ZNF236: variants seen among roughly 807,000 people sequenced by gnomAD.
ZNF236 encodes the protein zinc finger protein 236, also known as regulated by glucose.
In ZNF236, 50 loss-of-function variants were observed where a neutral mutation model predicts 191.2. The ratio of observed to expected loss-of-function variants is 0.26; its 90% CI spans 0.21 to 0.33. The LOEUF (loss-of-function observed/expected upper bound fraction) is 0.33. Ranked by LOEUF, ZNF236 falls within the 10% of genes least tolerant of loss-of-function variation. The pLI, the probability that ZNF236 is intolerant of heterozygous loss-of-function variation, is 1.00. For missense variants in ZNF236, 1,754 were observed against 2,374.5 expected, an observed-to-expected ratio of 0.74 and a Z score of 5.43; for synonymous variants, 907 against 928.8, an observed-to-expected ratio of 0.98 and a Z score of 0.43.
rs781513492 is a variant in ZNF236 at position 76,971,161 on chromosome 18, G to A, written c.*2822G>A. On this transcript the variant is annotated 3_prime_UTR_variant, in exon 31 of 31. Transcript: ENST00000320610. ...GGTGCAGGTACTGAGGAAGCAGGAG[G>A]CATGTAGCATGTGTGGAGTCCCACC... is the stretch of plus-strand genomic sequence containing the variant. 7.2e-5 allele frequency among the ~76,000 whole-genome samples: 11 copies of A among 152,260 alleles called. No homozygotes were observed. The highest frequency in any genetic ancestry group is 1.9e-4 in the African/African-American group (8 of 41,476).
In ZNF236 at chr18:76,923,173, A is replaced by G. The variant is rs1967584450; in HGVS notation, c.3660A>G (p.Thr1220=). 1 of 1,605,004 alleles carries G rather than the reference A, an allele frequency of 6.2e-7. No individual in the cohort carries two copies. Among genetic ancestry groups the G allele is most frequent in the Non-Finnish European group, 8.5e-7 (1 of 1,171,632 alleles). The part of the protein sequence containing the change: ...STLDCHVKTH[T]GQKLFSCHVC... ...TCGATTGTCATGTGAAGACTCACAC[A>G]GGTAAGGAAAACATGCCTGCGTCAT... is the stretch of plus-strand genomic sequence containing the variant. Residue 1220 remains threonine (T), a splice_region_variant and synonymous_variant, in exon 21 of 31, where the codon ACA becomes ACG. Coordinates refer to ENST00000320610, the MANE Select transcript of ZNF236 (RefSeq NM_001306089.2).
intron 5 of ZNF236, among the ~76,000 whole-genome samples, chr18:76,873,315 C>T (rs1450351207): frequency 6.6e-6 from 1 of 152,210 alleles, no homozygotes; most frequent in Non-Finnish European, 1.5e-5. Context: ...ACATCATGAG[C>T]ATACTCTCAC....
chr18:76,865,679 G>T (rs1386864507), intron 3 of ZNF236, among the ~76,000 whole-genome samples: 1 of 152,208 alleles, frequency 6.6e-6, no homozygotes, highest in African/African-American at 2.4e-5. Flanking sequence ...GGGGGCACCA[G>T]TGCAGGGTCC....
intron 26 of ZNF236, among the ~76,000 whole-genome samples, chr18:76,945,713 G>A (rs928826208): frequency 2.6e-5 from 4 of 152,214 alleles, no homozygotes; most frequent in African/African-American, 7.2e-5. Flanking sequence ...GAACCCGGGA[G>A]GCAGAGGTTG....
chr18:76,912,404 CTG>C (rs1278800380), intron 17 of ZNF236, 57 bp downstream of exon 17: 1 of 1,336,838 alleles, frequency 7.5e-7, no homozygotes, highest in Non-Finnish European at 1.1e-6. Context: ...ACGGATGCTG[CTG>C]TGTGTTTGCC....
At chr18:76,965,761 G>A (rs954067164) in intron 30 of ZNF236, among the ~76,000 whole-genome samples, 1 of 152,254 alleles carries the variant, frequency 6.6e-6, no homozygotes, top group South Asian at 2.1e-4. Flanking sequence ...TCAGCCATGG[G>A]TACCGGTGCC....
At chr18:76,825,413 G>T (rs1974986972) in intron 1 of ZNF236, among the ~76,000 whole-genome samples, 1 of 151,870 alleles carries the variant, frequency 6.6e-6, no homozygotes, top group African/African-American at 2.4e-5. Context: ...AAAAGCAGTT[G>T]TTGGCACAAC....
intron 1 of ZNF236, among the ~76,000 whole-genome samples, chr18:76,831,967 A>G (rs577780065): frequency 6.6e-6 from 1 of 152,326 alleles, no homozygotes; most frequent in East Asian, 1.9e-4. Flanking sequence ...CAATTAAACA[A>G]GTTCTTAATA....
intron 1 of ZNF236, 137 bp from the exon 2 acceptor site, chr18:76,849,389 T>G: frequency 1.6e-6 from 1 of 611,492 alleles, no homozygotes; most frequent in Non-Finnish European, 2.7e-6. Context: ...AAATTCAGTA[T>G]ATCATTAATT....
intron 26 of ZNF236, among the ~76,000 whole-genome samples, chr18:76,944,898 C>T (rs1006275455): frequency 1.1e-4 from 16 of 152,272 alleles, no homozygotes; most frequent in African/African-American, 3.9e-4. Context: ...ATTGTAGACT[C>T]ATGGGCAATT....
At chr18:76,918,584 G>A (rs1052150445) in intron 19 of ZNF236, among the ~76,000 whole-genome samples, 3 of 152,100 alleles carry the variant, frequency 2.0e-5, no homozygotes, top group Non-Finnish European at 4.4e-5. Context: ...CACCACGCCT[G>A]GCTGATTTAA....
chr18:76,844,426 G>C (rs1003615460), intron 1 of ZNF236, among the ~76,000 whole-genome samples: 4 of 152,114 alleles, frequency 2.6e-5, no homozygotes, highest in Non-Finnish European at 2.9e-5. Flanking sequence ...AGAGGAATAG[G>C]GGGTGACGGA....
chr18:76,825,172 T>C (rs1169814015), intron 1 of ZNF236, among the ~76,000 whole-genome samples: 1 of 152,238 alleles, frequency 6.6e-6, no homozygotes, highest in East Asian at 1.9e-4. Context: ...CACTTTTTGC[T>C]AGTCTTGTGG....
At chr18:76,833,811 C>T (rs1042633941) in intron 1 of ZNF236, among the ~76,000 whole-genome samples, 2 of 152,008 alleles carry the variant, frequency 1.3e-5, no homozygotes, top group Non-Finnish European at 2.9e-5. Flanking sequence ...TTAGAATCAT[C>T]TGGGCTTTGA....
chr18:76,961,094 T>C (rs190160447), intron 30 of ZNF236, among the ~76,000 whole-genome samples: 59 of 152,314 alleles, frequency 3.9e-4, no homozygotes, highest in Non-Finnish European at 8.5e-4. Context: ...GAGATTTTCG[T>C]GCACCCATCA....
chr18:76,886,713 ACT>A (rs1977069115), intron 9 of ZNF236: 1 of 154,290 alleles, frequency 6.5e-6, no homozygotes, highest in African/African-American at 2.4e-5. Flanking sequence ...CTTCATCGTT[ACT>A]CTCGTTTTCA....
Position 76,919,488 on chromosome 18 carries a change from A to G in ZNF236, c.3275-288A>G, listed in dbSNP as rs973122282. ...TGTTAACTAGTCACCCTACTCTGCTATCAAACATTAGAGCTTATTCCTTCT... is the reference window on the plus strand; with the variant it reads ...TGTTAACTAGTCACCCTACTCTGCTGTCAAACATTAGAGCTTATTCCTTCT... On this transcript the variant is annotated intron_variant, in intron 19 of 30. Transcript: ENST00000320610. The surrounding 1 kb of genome is among the most constrained non-coding windows in gnomAD (Gnocchi z 5.3). Among the ~76,000 whole-genome samples, 6 of 152,130 alleles carry G rather than the reference A, an allele frequency of 3.9e-5. No homozygotes were observed. Among genetic ancestry groups the G allele is most frequent in the African/African-American group, 1.4e-4 (6 of 41,430 alleles).
intron 1 of ZNF236, among the ~76,000 whole-genome samples, chr18:76,830,785 T>C (rs1975150366): frequency 6.6e-6 from 1 of 152,266 alleles, no homozygotes; most frequent in Non-Finnish European, 1.5e-5. Context: ...TGTTTTGGTA[T>C]GTATAGTGGT....
At chr18:76,884,977 T>C (rs897108744) in intron 9 of ZNF236, 1 of 152,246 alleles carries the variant, frequency 6.6e-6, no homozygotes, top group Non-Finnish European at 1.5e-5. Flanking sequence ...CCCAAAGCAG[T>C]GTTAAAAATA....
Sources: allele counts gnomAD v4.1 joint callset (sites outside exome capture counted in the v4.1 genomes callset), GRCh38; gene constraint gnomAD v4.1.1; non-coding constraint Gnocchi (gnomAD v3.1); transcripts MANE v1.5; gene names NCBI Gene and HGNC (gene_info 2026-07-23, HGNC 2026-07-21).